CCDC171: variants seen among roughly 807,000 people sequenced by gnomAD.
The protein encoded by CCDC171 is coiled-coil domain containing 171.
CCDC171 carries 177 observed loss-of-function variants against 168.2 expected under a neutral mutation model. The observed-to-expected ratio is 1.05, with a 90% CI of 0.93 to 1.19. The LOEUF is 1.19. CCDC171 is among the 50% of genes most tolerant of loss of function. CCDC171 has a pLI of 0.00. For missense variants in CCDC171, 1,991 were observed against 1,539.0 expected, an observed-to-expected ratio of 1.29 and a Z score of -4.91; for synonymous variants, 687 against 540.8, an observed-to-expected ratio of 1.27 and a Z score of -3.75.
At chr9:16,018,410 C>T (rs2987099) in intron 3 of CCDC171, among the ~76,000 whole-genome samples, 83,765 of 151,898 alleles carry the variant, frequency 0.55, 23,302 homozygotes, top group East Asian at 0.66. Flanking sequence ...AATATATAAG[C>T]ATTAAAAAGA....
chr9:15,930,101 A>G (rs1199793559), intron 25 of CCDC171, among the ~76,000 whole-genome samples: 1 of 151,746 alleles, frequency 6.6e-6, no homozygotes, highest in Non-Finnish European at 1.5e-5. Flanking sequence ...ATAATCCATT[A>G]TAATGATCAG....
At chr9:15,891,984 C>T (rs1009486612) in intron 24 of CCDC171, among the ~76,000 whole-genome samples, 1 of 152,060 alleles carries the variant, frequency 6.6e-6, no homozygotes, top group African/African-American at 2.4e-5. Flanking sequence ...TGGACCTTTC[C>T]CCAATCCCCC....
chr9:15,603,394 C>G (rs1160979904), intron 6 of CCDC171, among the ~76,000 whole-genome samples: 1 of 152,146 alleles, frequency 6.6e-6, no homozygotes, highest in Non-Finnish European at 1.5e-5. Flanking sequence ...TTTTCTAATG[C>G]TCTCCCTCCC....
intron 7 of CCDC171, among the ~76,000 whole-genome samples, chr9:15,632,675 A>C (rs568002417): frequency 6.6e-6 from 1 of 152,186 alleles, no homozygotes; most frequent in Non-Finnish European, 1.5e-5. Context: ...AAACTACTTT[A>C]AAGTTCATAT....
chr9:15,703,024 C>T (rs2051892112), intron 11 of CCDC171, among the ~76,000 whole-genome samples: 1 of 152,114 alleles, frequency 6.6e-6, no homozygotes, highest in African/African-American at 2.4e-5. Flanking sequence ...CTGCCTCAGC[C>T]ACCTGAGTAG....
intron 4 of CCDC171, among the ~76,000 whole-genome samples, chr9:15,584,754 G>C (rs1357422838): frequency 6.6e-6 from 1 of 152,082 alleles, no homozygotes; most frequent in Non-Finnish European, 1.5e-5. Context: ...CACCATAATT[G>C]GGGGTATTGT....
chr9:16,093,490 C>T, the CCDC171 span, among the ~76,000 whole-genome samples: 1 of 152,184 alleles, frequency 6.6e-6, no homozygotes, highest in Admixed American at 6.5e-5. Flanking sequence ...ATCTGAAGAA[C>T]GTTTGAAATA....
At chr9:15,899,740 G>A (rs1821377797) in intron 24 of CCDC171, among the ~76,000 whole-genome samples, 1 of 152,036 alleles carries the variant, frequency 6.6e-6, no homozygotes, top group Admixed American at 6.6e-5. Context: ...AGTTTTGAGA[G>A]TTGTTTATAT....
At chr9:15,837,093 C>G (rs907164252) in intron 21 of CCDC171, among the ~76,000 whole-genome samples, 1 of 152,178 alleles carries the variant, frequency 6.6e-6, no homozygotes, top group Non-Finnish European at 1.5e-5. Context: ...TGATGCTTTT[C>G]TCTCTTGTTC....
chr9:15,991,508 C>G (rs548425657), intron 3 of CCDC171, among the ~76,000 whole-genome samples: 1 of 150,504 alleles, frequency 6.6e-6, no homozygotes, highest in Non-Finnish European at 1.5e-5. Context: ...CCTAACATCA[C>G]AATTAAAAGA....
chr9:15,713,775 G>A (rs546377805), intron 11 of CCDC171, among the ~76,000 whole-genome samples: 1 of 151,748 alleles, frequency 6.6e-6, no homozygotes, highest in South Asian at 2.1e-4. Context: ...TGTTCATCAG[G>A]TGCATTCAGA....
In CCDC171 at chr9:15,991,418, A is replaced by T. The variant is rs960274593; in HGVS notation, n.369-29171A>T. Among the ~76,000 whole-genome samples the T allele has an allele frequency of 3.9e-4, 58 of 148,728 alleles. 3 individuals carry two copies. The highest frequency in any genetic ancestry group is 1.5e-3 in the African/African-American group (56 of 38,038). On this transcript the variant is annotated intron_variant and non_coding_transcript_variant, in intron 3 of 9. Transcript: ENST00000486641. ...CACAACGTACCAGAATCTCTGGGAC[A>T]CATTCAAAGAAGTGTGTAGAGGGAA...
intron 25 of CCDC171, among the ~76,000 whole-genome samples, chr9:15,941,042 T>G (rs985043978): frequency 2.0e-5 from 3 of 151,942 alleles, no homozygotes; most frequent in African/African-American, 7.2e-5. Context: ...ACTTTATTAT[T>G]ATTATTTCTG....
chr9:15,726,214 CTAGAAGCCTGACTAT>C (rs2053790339), intron 14 of CCDC171, among the ~76,000 whole-genome samples: 1 of 152,150 alleles, frequency 6.6e-6, no homozygotes, highest in Admixed American at 6.5e-5. Flanking sequence ...GTAAAGGAAA[CTAGAAGCCTGACTAT>C]ATTGTAAAGT....
chr9:15,605,783 G>A (rs950359891), intron 6 of CCDC171, among the ~76,000 whole-genome samples: 2 of 152,028 alleles, frequency 1.3e-5, no homozygotes, highest in East Asian at 1.9e-4. Context: ...CGCTCCTCAT[G>A]TCAGGATATA....
At position 15,789,467 on chromosome 9, in the gene CCDC171, A is replaced by G. The variant is rs12236547; in HGVS notation, c.3267+4773A>G. Among the ~76,000 whole-genome samples the G allele has an allele frequency of 2.3e-4, 35 of 152,320 alleles. No individual in the cohort carries two copies. The East Asian group carries it at 6.0e-3, about 26-fold the overall frequency. The stretch of plus-strand genomic sequence containing the variant: ...CTTAATAACCTGAAAGTGATAATCA[A>G]TAGTATTCCATTGTTTTAAGCAAAA... On this transcript the variant is annotated intron_variant, in intron 21 of 25. Coordinates refer to ENST00000380701, the MANE Select transcript of CCDC171 (RefSeq NM_173550.4).
Position 15,996,170 on chromosome 9 carries a change from C to T in CCDC171, n.369-24419C>T, listed in dbSNP as rs368288223. 1.8e-4 allele frequency among the ~76,000 whole-genome samples: 27 copies of T among 152,178 alleles called. No individual in the cohort carries two copies. The South Asian group carries it at 5.4e-3, about 30-fold the overall frequency. ...TTCTCTTTTTCTTTTCACTGTTACT[C>T]TTCGGGGTATCTGCAGGCCTTTTTG... On this transcript the variant is annotated intron_variant and non_coding_transcript_variant, in intron 3 of 9. Coordinates refer to the CCDC171 transcript ENST00000486641.
chr9:15,724,992 C>T lies in CCDC171; in HGVS notation c.1692+16C>T. 1 of 1,590,894 alleles carries T rather than the reference C, an allele frequency of 6.3e-7. No homozygotes were observed. The highest frequency in any genetic ancestry group is 8.6e-7 in the Non-Finnish European group (1 of 1,159,154). On this transcript the variant is annotated intron_variant, in intron 14 of 25. Transcript: ENST00000380701. ...GGATGCAGAGGTATTACCTGAGACT[C>T]AATGACTGTCAGGAAGGGCCTTTCA... is the stretch of plus-strand genomic sequence containing the variant.
At chr9:15,594,235 C>T (rs2042183838) in intron 6 of CCDC171, 63 bp downstream of exon 6, 1 of 906,108 alleles carries the variant, frequency 1.1e-6, no homozygotes, top group Non-Finnish European at 1.7e-6. Flanking sequence ...TTCAAAATTA[C>T]ATTAGTGGGA....
Sources: gnomAD v4.1 joint callset for allele counts (sites outside exome capture counted in the v4.1 genomes callset) on GRCh38, gnomAD v4.1.1 for gene constraint, MANE v1.5 for transcripts, NCBI Gene and HGNC (gene_info 2026-07-23, HGNC 2026-07-21) for gene names.